MYO9B: variants seen among roughly 807,000 people sequenced by gnomAD.
The protein encoded by MYO9B is myosin IXB.
Under a neutral mutation model 229.5 loss-of-function variants are expected in MYO9B, and 71 were observed. That is an observed-to-expected ratio of 0.31 (90% CI 0.26 to 0.38). MYO9B has a LOEUF of 0.38. Among genes scored for constraint, MYO9B ranks in the 10% least tolerant of loss-of-function variants. MYO9B has a pLI of 1.00. For synonymous variants in MYO9B, 1,185 were observed against 1,235.8 expected, an observed-to-expected ratio of 0.96 and a Z score of 0.86; for missense variants, 2,255 against 2,920.5, an observed-to-expected ratio of 0.77 and a Z score of 5.25.
chr19:17,154,300 G>A lies in MYO9B; in HGVS notation c.1099-15G>A, dbSNP rs773073129. 13 of 1,608,652 alleles carry A rather than the reference G, an allele frequency of 8.1e-6. No individual in the cohort carries two copies. Among genetic ancestry groups the A allele is most frequent in the East Asian group, 6.7e-5 (3 of 44,766 alleles). Reference sequence around the variant, plus strand: ...GCCCAGGAATGCCCAGAGTACCCATGCCTTTGTTTTCCAGCATAACTTGAA... The same window carrying A: ...GCCCAGGAATGCCCAGAGTACCCATACCTTTGTTTTCCAGCATAACTTGAA... On this transcript the variant is annotated splice_polypyrimidine_tract_variant and intron_variant, in intron 5 of 39. Coordinates refer to ENST00000682292, the MANE Select transcript of MYO9B (RefSeq NM_004145.4).
intron 2 of MYO9B, among the ~76,000 whole-genome samples, chr19:17,141,579 A>G (rs1568270689): frequency 6.6e-6 from 1 of 151,954 alleles, no homozygotes; most frequent in African/African-American, 2.4e-5. Flanking sequence ...TTTTTCCTAA[A>G]CGAAAGAGCC....
At chr19:17,128,698 A>G (rs541338908) in intron 2 of MYO9B, among the ~76,000 whole-genome samples, 2 of 152,128 alleles carry the variant, frequency 1.3e-5, no homozygotes, top group Non-Finnish European at 2.9e-5. Context: ...GGCGTCACCT[A>G]CTCCGTGGCC....
At chr19:17,092,437 G>A (rs546780951) in intron 1 of MYO9B, among the ~76,000 whole-genome samples, 2 of 152,306 alleles carry the variant, frequency 1.3e-5, no homozygotes, top group African/African-American at 2.4e-5. Context: ...AAGCATATAC[G>A]TGTGGCTGGG....
intron 1 of MYO9B, among the ~76,000 whole-genome samples, chr19:17,092,775 TC>T (rs1272206132): frequency 1.3e-5 from 2 of 151,056 alleles, no homozygotes; most frequent in African/African-American, 4.9e-5. Context: ...CATACCTGTG[TC>T]CTTGTATGCA....
At chr19:17,076,129 A>G (rs982915847) in intron 1 of MYO9B, among the ~76,000 whole-genome samples, 1 of 150,506 alleles carries the variant, frequency 6.6e-6, no homozygotes, top group African/African-American at 2.5e-5. Context: ...GGCTTTGAGC[A>G]GCTTCTCTGA....
rs369570056 is a variant in MYO9B, at chr19:17,166,203, C to T, written c.1672-1740C>T. Among the ~76,000 whole-genome samples the T allele has an allele frequency of 5.9e-5, 9 of 152,118 alleles. No individual in the cohort carries two copies. The East Asian group carries it at 9.7e-4, about 16-fold the overall frequency. On this transcript the variant is annotated intron_variant, in intron 10 of 39. Coordinates refer to ENST00000682292, the MANE Select transcript of MYO9B (RefSeq NM_004145.4). ...GGTCACAGGTGTGTGCCACCAGGCCCGGCTAATTTTTGTATTTTTAGTAGA... is the reference window on the plus strand; with the variant it reads ...GGTCACAGGTGTGTGCCACCAGGCCTGGCTAATTTTTGTATTTTTAGTAGA...
intron 18 of MYO9B, among the ~76,000 whole-genome samples, chr19:17,186,794 G>A (rs182208138): frequency 4.6e-5 from 7 of 152,062 alleles, no homozygotes; most frequent in Admixed American, 2.6e-4. Flanking sequence ...ACAGTGGTGC[G>A]ATCTCGGCTC....
intron 2 of MYO9B, among the ~76,000 whole-genome samples, chr19:17,136,927 C>A (rs2072277568): frequency 6.6e-6 from 1 of 152,002 alleles, no homozygotes; most frequent in Non-Finnish European, 1.5e-5. Flanking sequence ...TTCGTGTCGA[C>A]AAAAATAATT....
chr19:17,174,153 C>G (rs1311866110), intron 13 of MYO9B, among the ~76,000 whole-genome samples: 1 of 150,842 alleles, frequency 6.6e-6, no homozygotes, highest in Non-Finnish European at 1.5e-5. Context: ...CCTCAGCCTC[C>G]TAAGTAGCTG....
At position 17,172,002 on chromosome 19, in the gene MYO9B, C is replaced by T. The variant is rs1487486661; in HGVS notation, c.1794-334C>T. ...GAGAGCGTCACTTCACCCTCAGCCT[C>T]CTTGTACCAGGCTGCAGCTATGCCA... is the stretch of plus-strand genomic sequence containing the variant. On this transcript the variant is annotated intron_variant, in intron 11 of 39. Transcript: ENST00000682292. This position sits in a 1 kb window ranked among gnomAD's most constrained non-coding sequence, Gnocchi z 8.2. Among the ~76,000 whole-genome samples the T allele has an allele frequency of 6.6e-6, 1 of 152,190 alleles. No homozygotes were observed. Among genetic ancestry groups the T allele is most frequent in the Non-Finnish European group, 1.5e-5 (1 of 68,012 alleles).
intron 14 of MYO9B, among the ~76,000 whole-genome samples, chr19:17,179,198 T>A (rs1206703577): frequency 1.3e-5 from 2 of 152,024 alleles, no homozygotes; most frequent in Non-Finnish European, 2.9e-5. Context: ...CAACCACAAA[T>A]GTCTGCAGAC....
intron 1 of MYO9B, among the ~76,000 whole-genome samples, chr19:17,097,803 A>C (rs2057707357): frequency 6.6e-6 from 1 of 152,004 alleles, no homozygotes. Context: ...AGGTCAGCAA[A>C]CCTTTGCTTT....
chr19:17,113,001 G>T (rs1054887021), intron 2 of MYO9B, among the ~76,000 whole-genome samples: 2 of 152,232 alleles, frequency 1.3e-5, no homozygotes, highest in African/African-American at 4.8e-5. Flanking sequence ...CGGGGCCAAG[G>T]CCTCAGAAGG....
chr19:17,142,613 A>C (rs1254813520), intron 2 of MYO9B, among the ~76,000 whole-genome samples: 1 of 152,156 alleles, frequency 6.6e-6, no homozygotes, highest in Non-Finnish European at 1.5e-5. Flanking sequence ...AAAGAGCCCG[A>C]TAGGCAATAT....
rs527562020 is a variant in MYO9B, at chr19:17,205,350, G to A, written c.5064+14G>A. 6.8e-6 allele frequency: 11 copies of A among 1,611,818 alleles called. No individual in the cohort carries two copies. In the South Asian group the frequency reaches 1.2e-4, roughly 18 times the overall value. Reference sequence around the variant, plus strand: ...TACGGGAGGAAGGTGAGTGTACGAGGCCTGGAACTTTCTACAATGACACTC... The same window carrying A: ...TACGGGAGGAAGGTGAGTGTACGAGACCTGGAACTTTCTACAATGACACTC... On this transcript the variant is annotated intron_variant, in intron 31 of 39. Coordinates refer to ENST00000682292, the MANE Select transcript of MYO9B (RefSeq NM_004145.4).
At chr19:17,135,541 C>T (rs1478656235) in intron 2 of MYO9B, among the ~76,000 whole-genome samples, 2 of 152,266 alleles carry the variant, frequency 1.3e-5, no homozygotes, top group Middle Eastern at 3.4e-3. Flanking sequence ...TAGCACCCCT[C>T]GCTGCGAGCG....
At chr19:17,174,019 C>T (rs1365847689) in intron 13 of MYO9B, among the ~76,000 whole-genome samples, 2 of 134,674 alleles carry the variant, frequency 1.5e-5, no homozygotes, top group Non-Finnish European at 3.1e-5. Flanking sequence ...GAGTGATGAG[C>T]TGCTTTTTTT....
chr19:17,121,727 G>A (rs940630947), intron 2 of MYO9B, among the ~76,000 whole-genome samples: 9 of 152,206 alleles, frequency 5.9e-5, no homozygotes, highest in African/African-American at 2.2e-4. Context: ...GGCTCACGCC[G>A]ATAATTCCAG....
chr19:17,206,741 G>A lies in MYO9B; in HGVS notation c.5449G>A (p.Ala1817Thr). ...TGCCGTCCTGGAGCACCTTCCAGAA[G>A]CCAACCACAACTCCCTGGAGAGACT... ...IYAVLEHLPE[A>T]NHNSLERLIF... Residue 1817 changes from alanine (A) to threonine (T), a missense_variant, in exon 34 of 40, where the codon GCC (alanine) becomes ACC (threonine). Coordinates refer to ENST00000682292, the MANE Select transcript of MYO9B (RefSeq NM_004145.4). 1 of 1,592,394 alleles carries A rather than the reference G, an allele frequency of 6.3e-7. No individual in the cohort carries two copies. The highest frequency in any genetic ancestry group is 1.8e-5 in the Admixed American group (1 of 56,766).
Sources: gnomAD v4.1 joint callset for allele counts (sites outside exome capture counted in the v4.1 genomes callset) on GRCh38, gnomAD v4.1.1 for gene constraint, Gnocchi (gnomAD v3.1) non-coding constraint, MANE v1.5 for transcripts, NCBI Gene and HGNC (gene_info 2026-07-23, HGNC 2026-07-21) for gene names.